The following UQCRC1 variants were observed in gnomAD, a reference collection of about 807,000 sequenced individuals.
UQCRC1 encodes ubiquinol-cytochrome c reductase core protein 1.
Under a neutral mutation model 58.0 loss-of-function variants are expected in UQCRC1, and 34 were observed. The observed-to-expected ratio is 0.59, with a 90% CI of 0.45 to 0.78. The LOEUF (loss-of-function observed/expected upper bound fraction) is 0.78. UQCRC1 is among the 30% of genes least tolerant of loss of function. The pLI is 0.00. For missense variants in UQCRC1, 610 were observed against 646.0 expected, an observed-to-expected ratio of 0.94 and a Z score of 0.60; for synonymous variants, 276 against 248.8, an observed-to-expected ratio of 1.11 and a Z score of -1.03.
rs1022676158 is a variant in UQCRC1, at chr3:48,599,930, C to T, written c.1302+133G>A. ...GCCCTGCCCTCCCACTATGCTACCC[C>T]TGCAGGTGACAGCTGCCTAGGACAC... On this transcript the variant is annotated intron_variant, in intron 11 of 12. Transcript: ENST00000203407. 6 of 1,184,132 alleles carry T rather than the reference C, an allele frequency of 5.1e-6. No individual in the cohort carries two copies. In the African/African-American group the frequency reaches 9.0e-5, roughly 18 times the overall value. The allele number at this position is 1,184,132 out of a possible 1,614,324, so 73.4% of individuals were successfully genotyped here.
chr3:48,600,903 C>T (rs955256071), intron 8 of UQCRC1, 63 bp from the exon 9 acceptor site: 40 of 1,609,894 alleles, frequency 2.5e-5, no homozygotes, highest in South Asian at 5.5e-5. Context: ...GTGACCCCCA[C>T]GCACAGGAGC....
At chr3:48,606,050 G>C (rs776880377) in intron 2 of UQCRC1, among the ~76,000 whole-genome samples, 194 bp from the exon 3 acceptor site, 31 of 152,144 alleles carry the variant, frequency 2.0e-4, no homozygotes, top group Non-Finnish European at 3.8e-4. Flanking sequence ...CGAATGACTC[G>C]TCACACCACA....
At chr3:48,603,477 G>A in intron 6 of UQCRC1, 87 bp downstream of exon 6, 1 of 1,364,612 alleles carries the variant, frequency 7.3e-7, no homozygotes. Context: ...GGGGTGAAAG[G>A]TCCCCTATGG....
chr3:48,607,427 G>A (rs1277963314), intron 2 of UQCRC1, among the ~76,000 whole-genome samples: 1 of 152,092 alleles, frequency 6.6e-6, no homozygotes, highest in Non-Finnish European at 1.5e-5. Flanking sequence ...CGCCTGCCTC[G>A]GTCTCCCAAA....
At chr3:48,604,014 T>C (rs1404434953) in intron 5 of UQCRC1, 10 of 607,896 alleles carry the variant, frequency 1.6e-5, no homozygotes, top group Admixed American at 3.0e-5. Context: ...TGTCAGGACA[T>C]GCACCAAAAC....
intron 2 of UQCRC1, among the ~76,000 whole-genome samples, chr3:48,608,879 G>T (rs2046436751): frequency 6.6e-6 from 1 of 152,186 alleles, no homozygotes. Context: ...GAGGAGACAT[G>T]ATCACTTCCC....
intron 6 of UQCRC1, among the ~76,000 whole-genome samples, chr3:48,602,848 T>C (rs2046379001): frequency 6.6e-6 from 1 of 151,960 alleles, no homozygotes; most frequent in African/African-American, 2.4e-5. Flanking sequence ...TTGACCTCAG[T>C]TCCTTACCCA....
At position 48,609,113 on chromosome 3, in the gene UQCRC1, C is replaced by A. The variant is rs757225315; in HGVS notation, c.210+49G>T. The A allele has an allele frequency of 1.3e-5, 21 of 1,566,830 alleles. No individual in the cohort carries two copies. The African/African-American group carries it at 2.7e-4, about 20-fold the overall frequency. ...GGTCACACCCCAACCAGGGAAAAGA[C>A]GGCAGGCCCAACCTGGAGGCCCTCT... On this transcript the variant is annotated intron_variant, in intron 2 of 12. Coordinates refer to ENST00000203407, the MANE Select transcript of UQCRC1 (RefSeq NM_003365.3).
At position 48,609,379 on chromosome 3, in the gene UQCRC1, C is replaced by G. The variant is rs2046444037; in HGVS notation, c.70-77G>C. On this transcript the variant is annotated intron_variant, in intron 1 of 12. Transcript: ENST00000203407. ...ACCTCCCAGGTCCTCAGGAGGACCC[C>G]CGAACCCCGCCCCTAGGCAAGCGGC... 12 of 1,544,922 alleles carry G rather than the reference C, an allele frequency of 7.8e-6. No homozygotes were observed. In the East Asian group the frequency reaches 2.8e-4, roughly 36 times the overall value.
chr3:48,603,422 A>G, intron 6 of UQCRC1, 142 bp downstream of exon 6: 1 of 745,720 alleles, frequency 1.3e-6, no homozygotes, highest in Non-Finnish European at 2.3e-6. Flanking sequence ...AGAGCACAGG[A>G]GGAAGGTCAT....
chr3:48,608,768 T>C (rs2046435863), intron 2 of UQCRC1, among the ~76,000 whole-genome samples: 1 of 152,228 alleles, frequency 6.6e-6, no homozygotes, highest in Non-Finnish European at 1.5e-5. Flanking sequence ...AAAATGTATT[T>C]CTGGTCTAGC....
rs376683608 is a variant in UQCRC1 at position 48,601,087 on chromosome 3, G to A, written c.854C>T (p.Ala285Val). 9 of 1,606,070 alleles carry A rather than the reference G, an allele frequency of 5.6e-6. No homozygotes were observed. The African/African-American group carries it at 9.4e-5, about 17-fold the overall frequency. Reference sequence around the variant, plus strand: ...ACCCTCTACTGCAATGGCCACGTGGGCAAAAGGTAGAGCATCATCACGGTG... The same window carrying A: ...ACCCTCTACTGCAATGGCCACGTGGACAAAAGGTAGAGCATCATCACGGTG... Reference protein sequence around the residue: ...IRHRDDALPFAHVAIAVEGPG... With the variant: ...IRHRDDALPFVHVAIAVEGPG... Residue 285 changes from alanine to valine, a missense_variant, in exon 8 of 13, where the codon GCC becomes GTC. By Grantham distance (64) the Ala-to-Val change is moderately conservative. Coordinates refer to ENST00000203407, the MANE Select transcript of UQCRC1 (RefSeq NM_003365.3).
chr3:48,600,581 G>A lies in UQCRC1; in HGVS notation c.1128-14C>T. On this transcript the variant is annotated splice_polypyrimidine_tract_variant and intron_variant, in intron 9 of 12. Coordinates refer to ENST00000203407, the MANE Select transcript of UQCRC1 (RefSeq NM_003365.3). ...CACAGGCGCATCCTAAAGTGGGGGG[G>A]TGGGTGGTATTCATTCTGAGCCAGT... 6.2e-7 allele frequency: 1 copy of A among 1,614,064 alleles called. No homozygotes were observed.
rs779100134 is a variant in UQCRC1, at chr3:48,600,856, G to A, written c.967-16C>T. ...TGGACAGGTGCTGCCAGGGGGATAG[G>A]TGGTCAGCACCCACCCTCTTGTCTT... On this transcript the variant is annotated splice_polypyrimidine_tract_variant and intron_variant, in intron 8 of 12. Coordinates refer to ENST00000203407, the MANE Select transcript of UQCRC1 (RefSeq NM_003365.3). 4 of 1,613,662 alleles carry A rather than the reference G, an allele frequency of 2.5e-6. No individual in the cohort carries two copies. In the South Asian group the frequency reaches 4.4e-5, roughly 18 times the overall value.
intron 7 of UQCRC1, 38 bp downstream of exon 7, chr3:48,601,314 C>G: frequency 6.2e-7 from 1 of 1,609,338 alleles, no homozygotes; most frequent in East Asian, 2.2e-5. Flanking sequence ...CCCACAGGCC[C>G]CCAGCTGAGC....
chr3:48,604,301 G>C lies in UQCRC1; in HGVS notation c.558C>G (p.Tyr186Ter). The C allele has an allele frequency of 1.2e-6, 2 of 1,613,846 alleles. No individual in the cohort carries two copies. The highest frequency in any genetic ancestry group is 2.2e-5 in the South Asian group (2 of 91,066). The change falls in exon 5 of 13, where the codon TAC (tyrosine) becomes TAG (stop). Residue 186 changes from tyrosine (Y) to a stop codon, truncating the protein, a stop_gained. Coordinates refer to ENST00000203407, the MANE Select transcript of UQCRC1 (RefSeq NM_003365.3). LOFTEE classifies it high-confidence loss of function. ...TGCCCTGGAATGCTGTGGCATGCAG[G>C]TAGTTAAAGACCACATCTCGCATAG... is the stretch of plus-strand genomic sequence containing the variant. Reference protein sequence around the residue: ...DASMRDVVFNYLHATAFQGTP... With the variant: ...DASMRDVVFN
At position 48,599,617 on chromosome 3, in the gene UQCRC1, A is replaced by T. The variant is rs762260179; in HGVS notation, c.1378+18T>A. ...GCCTGAGGAAATAAACAAAGAGCAG[A>T]CCCCCTAGGCCACTTACCATATCCA... On this transcript the variant is annotated intron_variant, in intron 12 of 12. Transcript: ENST00000203407. The T allele has an allele frequency of 3.1e-6, 5 of 1,612,844 alleles. No homozygotes were observed. The highest frequency in any genetic ancestry group is 4.2e-6 in the Non-Finnish European group (5 of 1,179,564).
intron 12 of UQCRC1, 121 bp from the exon 13 acceptor site, chr3:48,599,313 AAG>A (rs1308701902): frequency 3.4e-6 from 4 of 1,177,776 alleles, no homozygotes; most frequent in African/African-American, 1.5e-5. Context: ...TTTGAGTGGA[AAG>A]AGAGGAGAGA....
Position 48,609,574 on chromosome 3 carries a change from A to C in UQCRC1, c.47T>G (p.Val16Gly), listed in dbSNP as rs905768321. ...CACCGAGCGGCGGGCGCGCAATAGCACTTGTGCCCCGGCGGTAGCGGCCCG... is the reference window on the plus strand; with the variant it reads ...CACCGAGCGGCGGGCGCGCAATAGCCCTTGTGCCCCGGCGGTAGCGGCCCG... ...VCRAATAGAQ[V>G]LLRARRSPAL... The change falls in exon 1 of 13, where the codon GTG becomes GGG. Residue 16 changes from valine (V) to glycine (G), a missense_variant. Physicochemically the swap from Val to Gly is moderately radical, Grantham distance 109. Coordinates refer to ENST00000203407, the MANE Select transcript of UQCRC1 (RefSeq NM_003365.3). 6.4e-7 allele frequency: 1 copy of C among 1,571,446 alleles called. No individual in the cohort carries two copies. The highest frequency in any genetic ancestry group is 2.4e-5 in the East Asian group (1 of 42,514).
Sources: gnomAD v4.1 joint callset for allele counts (sites outside exome capture counted in the v4.1 genomes callset) on GRCh38, gnomAD v4.1.1 for gene constraint, MANE v1.5 for transcripts, NCBI Gene and HGNC (gene_info 2026-07-23, HGNC 2026-07-21) for gene names.